The following GALNT13 variants were observed in gnomAD, a reference collection of about 807,000 sequenced individuals.
GALNT13 encodes polypeptide N-acetylgalactosaminyltransferase 13.
A neutral mutation model predicts 64.2 loss-of-function variants in GALNT13; 28 were observed. The ratio of observed to expected loss-of-function variants is 0.44; its 90% confidence interval spans 0.32 to 0.60. GALNT13 has a LOEUF of 0.60. Ranked by LOEUF, GALNT13 falls within the 20% of genes least tolerant of loss-of-function variation. The pLI is 0.05. For missense variants in GALNT13, 577 were observed against 669.8 expected (o/e 0.86, Z 1.53); for synonymous variants, 214 against 224.6 (o/e 0.95, Z 0.42).
At chr2:153,723,539 G>A in the GALNT13 span, among the ~76,000 whole-genome samples, 1 of 150,882 alleles carries the variant, frequency 6.6e-6, no homozygotes, top group South Asian at 2.1e-4. Context: ...CGACATGATT[G>A]TTTATCTAGA....
At chr2:153,748,194 G>A in the GALNT13 span, among the ~76,000 whole-genome samples, 30 of 152,078 alleles carry the variant, frequency 2.0e-4, no homozygotes, top group African/African-American at 7.2e-4. Flanking sequence ...ACACTATTAT[G>A]AATTTGGAGA....
chr2:153,217,358 G>T, the GALNT13 span, among the ~76,000 whole-genome samples: 1 of 151,914 alleles, frequency 6.6e-6, no homozygotes, highest in Non-Finnish European at 1.5e-5. Context: ...TGAATATATG[G>T]TTTGTTGTGT....
chr2:153,301,309 C>A, the GALNT13 span, among the ~76,000 whole-genome samples: 46 of 76,416 alleles, frequency 6.0e-4, no homozygotes, highest in African/African-American at 1.3e-3. Flanking sequence ...GACTCCTTCT[C>A]AAAAAAAAAG....
At chr2:153,419,176 A>G in the GALNT13 span, among the ~76,000 whole-genome samples, 1 of 152,164 alleles carries the variant, frequency 6.6e-6, no homozygotes, top group Non-Finnish European at 1.5e-5. Flanking sequence ...GGTGGAAGAG[A>G]AAGCAAACAT....
At chr2:153,655,738 T>C in the GALNT13 span, among the ~76,000 whole-genome samples, 1 of 152,124 alleles carries the variant, frequency 6.6e-6, no homozygotes, top group Non-Finnish European at 1.5e-5. Flanking sequence ...CTGATATACC[T>C]TCTATAGCTT....
chr2:154,456,191 T>TTTGTTGTTGTTGTTGTTGTTGTTG (rs70983725), downstream of GALNT13, among the ~76,000 whole-genome samples: 1 of 146,296 alleles, frequency 6.8e-6, no homozygotes, highest in Non-Finnish European at 1.5e-5. Flanking sequence ...TTTGTTTTGT[T>TTTGTTGTTGTTGTTGTTGTTGTTG]TTGTTGTTGT....
At chr2:153,646,651 C>T in the GALNT13 span, among the ~76,000 whole-genome samples, 1 of 151,998 alleles carries the variant, frequency 6.6e-6, no homozygotes, top group Non-Finnish European at 1.5e-5. Flanking sequence ...TGCGATGTTC[C>T]CCTTCCTGTG....
At chr2:153,653,592 G>A in the GALNT13 span, among the ~76,000 whole-genome samples, 1 of 152,068 alleles carries the variant, frequency 6.6e-6, no homozygotes, top group African/African-American at 2.4e-5. Context: ...GGTTTCCAAT[G>A]ACCAAAGCTG....
chr2:153,325,220 G>T, the GALNT13 span, among the ~76,000 whole-genome samples: 24 of 140,238 alleles, frequency 1.7e-4, no homozygotes, highest in African/African-American at 5.7e-4. Context: ...TCCTTGTTTA[G>T]TCTTGGGAGG....
intron 3 of GALNT13, among the ~76,000 whole-genome samples, chr2:153,974,414 T>G (rs146275348): frequency 2.8e-4 from 43 of 152,228 alleles, no homozygotes; most frequent in Middle Eastern, 6.8e-3. Context: ...TTTTTTCATC[T>G]TGAAAATAAG....
At chr2:153,380,642 G>T in the GALNT13 span, among the ~76,000 whole-genome samples, 1 of 152,010 alleles carries the variant, frequency 6.6e-6, no homozygotes, top group African/African-American at 2.4e-5. Context: ...AATGTACGTA[G>T]TATAGTGGAA....
the GALNT13 span, among the ~76,000 whole-genome samples, chr2:153,571,254 G>C: frequency 2.6e-5 from 4 of 151,776 alleles, no homozygotes; most frequent in Non-Finnish European, 4.4e-5. Flanking sequence ...TTCTTTTTCA[G>C]ATTGTCCACT....
the GALNT13 span, among the ~76,000 whole-genome samples, chr2:153,519,465 G>T: frequency 3.9e-5 from 6 of 152,148 alleles, no homozygotes; most frequent in Admixed American, 1.3e-4. Context: ...ATGATGGATT[G>T]CAGCGCCACC....
the GALNT13 span, among the ~76,000 whole-genome samples, chr2:153,129,326 C>G: frequency 1.3e-5 from 2 of 152,132 alleles, no homozygotes; most frequent in African/African-American, 2.4e-5. Flanking sequence ...TGCTTAGGTG[C>G]TTTCTCTGGC....
intron 11 of GALNT13, among the ~76,000 whole-genome samples, chr2:154,417,509 A>ATTTTT (rs1202687837): frequency 7.5e-6 from 1 of 133,402 alleles, no homozygotes; most frequent in African/African-American, 3.1e-5. Context: ...TTATTTATTT[A>ATTTTT]TTTATTTATT....
chr2:153,763,835 A>G, the GALNT13 span, among the ~76,000 whole-genome samples: 52,766 of 151,824 alleles, frequency 0.35, 9,636 homozygotes, highest in African/African-American at 0.39. Flanking sequence ...AGAGCTTTCT[A>G]GAGACTTGGA....
the GALNT13 span, among the ~76,000 whole-genome samples, chr2:153,827,267 A>G: frequency 6.6e-6 from 1 of 152,054 alleles, no homozygotes; most frequent in South Asian, 2.1e-4. Context: ...CGATGATTCA[A>G]TTACACCCCA....
At chr2:153,642,393 T>G in the GALNT13 span, among the ~76,000 whole-genome samples, 3,068 of 151,800 alleles carry the variant, frequency 0.02, 39 homozygotes, top group Non-Finnish European at 0.032. Flanking sequence ...CATGGAAAAA[T>G]CTAAACAAAG....
rs536604329 is a variant in GALNT13, at chr2:154,150,167, C to T, written c.311+9662C>T. ...TGTTGAATTTTGTCAAAGGCCTTTT[C>T]GGCATCTATTGAGATAATCATGTGG... On this transcript the variant is annotated intron_variant, in intron 4 of 12. Coordinates refer to ENST00000392825, the MANE Select transcript of GALNT13 (RefSeq NM_052917.4). 1.1e-4 allele frequency among the ~76,000 whole-genome samples: 17 copies of T among 152,234 alleles called. 1 individual carries two copies. The South Asian group carries it at 2.7e-3, about 24-fold the overall frequency.
Sources: gnomAD v4.1 joint callset for allele counts (sites outside exome capture counted in the v4.1 genomes callset) on GRCh38, gnomAD v4.1.1 for gene constraint, MANE v1.5 for transcripts, NCBI Gene and HGNC (gene_info 2026-07-23, HGNC 2026-07-21) for gene names.